The following PCDHGA3 variants were observed in gnomAD, a reference collection of about 807,000 sequenced individuals.
PCDHGA3 encodes protocadherin gamma subfamily A, 3.
A neutral mutation model predicts 58.5 loss-of-function variants in PCDHGA3; 40 were observed. The observed-to-expected ratio is 0.68, with a 90% CI of 0.53 to 0.89. The LOEUF (loss-of-function observed/expected upper bound fraction) is 0.89. Ranked by LOEUF, PCDHGA3 falls within the 40% of genes least tolerant of loss-of-function variation. The pLI, the probability that PCDHGA3 is intolerant of heterozygous loss-of-function variation, is 0.00. For missense variants in PCDHGA3, 1,223 were observed against 1,195.9 expected, an observed-to-expected ratio of 1.02 and a Z score of -0.33; for synonymous variants, 530 against 525.7, an observed-to-expected ratio of 1.01 and a Z score of -0.11.
intron 1 of PCDHGA3, among the ~76,000 whole-genome samples, chr5:141,483,207 A>C (rs1225621725): frequency 6.6e-6 from 1 of 152,224 alleles, no homozygotes; most frequent in African/African-American, 2.4e-5. Flanking sequence ...TATTCCATAT[A>C]GATGACAGTC....
chr5:141,390,064 C>T, intron 1 of PCDHGA3: 1 of 1,614,060 alleles, frequency 6.2e-7, no homozygotes. Flanking sequence ...TGCTTCCAGC[C>T]TGGTCTCTGT....
rs748950800 is a variant in PCDHGA3, at chr5:141,476,983, C to T, written c.2425-17824C>T. ...ACTCCTTCGGCAGCCACAACCGCGC[C>T]GGCGTGCGGCAACTATTCGCCTTAG... On this transcript the variant is annotated intron_variant, in intron 1 of 3. Transcript: ENST00000253812. The surrounding 1 kb of genome is among the most constrained non-coding windows in gnomAD (Gnocchi z 7.6). 12 of 1,614,096 alleles carry T rather than the reference C, an allele frequency of 7.4e-6. No individual in the cohort carries two copies. The highest frequency in any genetic ancestry group is 8.5e-7 in the Non-Finnish European group (1 of 1,180,046).
At chr5:141,415,810 T>TATATATC in intron 1 of PCDHGA3, 1 of 1,360,418 alleles carries the variant, frequency 7.4e-7, no homozygotes, top group Non-Finnish European at 9.5e-7. Flanking sequence ...AATCAAGGCC[T>TATATATC]ATATATCATA....
intron 1 of PCDHGA3, among the ~76,000 whole-genome samples, chr5:141,358,690 T>A (rs1760993799): frequency 6.6e-6 from 1 of 152,206 alleles, no homozygotes; most frequent in South Asian, 2.1e-4. Context: ...TATCATGACA[T>A]CACTATTGAG....
At chr5:141,369,542 A>T (rs553503598) in intron 1 of PCDHGA3, among the ~76,000 whole-genome samples, 1 of 152,332 alleles carries the variant, frequency 6.6e-6, no homozygotes, top group South Asian at 2.1e-4. Context: ...TTTAATTAAA[A>T]GTAGACACTT....
At chr5:141,403,913 G>A (rs567115998) in intron 1 of PCDHGA3, 5 of 1,613,844 alleles carry the variant, frequency 3.1e-6, no homozygotes, top group Non-Finnish European at 8.5e-7. Context: ...GGAAATACAA[G>A]CTGAAGATGG....
chr5:141,371,781 G>A (rs1443074185), intron 1 of PCDHGA3: 1 of 1,613,878 alleles, frequency 6.2e-7, no homozygotes, highest in Non-Finnish European at 8.5e-7. Context: ...GCATGTAGCT[G>A]AGAACAATCC....
chr5:141,423,382 C>G, intron 1 of PCDHGA3: 1 of 1,614,118 alleles, frequency 6.2e-7, no homozygotes, highest in Non-Finnish European at 8.5e-7. Flanking sequence ...CAGGCTGTGG[C>G]GCTGGCATAA....
rs752401867 is a variant in PCDHGA3, at chr5:141,511,224, G to A, written c.*51G>A. On this transcript the variant is annotated 3_prime_UTR_variant, in exon 4 of 4. Transcript: ENST00000253812. ...GGGCGGCCTCTCCCCAACCAGCCCA[G>A]CTTCTCCTTACCTGCACCCAGGCCT... 1.2e-6 allele frequency: 2 copies of A among 1,603,276 alleles called. No homozygotes were observed.
In PCDHGA3 at chr5:141,345,223, C is replaced by A; in HGVS notation, c.1190C>A (p.Ser397Ter). The A allele has an allele frequency of 6.2e-7, 1 of 1,613,928 alleles. No homozygotes were observed. Among genetic ancestry groups the A allele is most frequent in the Non-Finnish European group, 8.5e-7 (1 of 1,179,874 alleles). ...AATCTGCCATTTAAGTTAGAAAAAT[C>A]AATAGATCAATATTACCGCTTAGTG... ...LGNLPFKLEK[S>*]IDQYYRLVTA... The change falls in exon 1 of 4, where the codon TCA (serine) becomes TAA (stop). Residue 397 changes from serine to a stop codon, truncating the protein, a stop_gained. Transcript: ENST00000253812. LOFTEE classifies it high-confidence loss of function.
rs752155536 is a variant in PCDHGA3, at chr5:141,477,181, C to T, written c.2425-17626C>T. The T allele has an allele frequency of 2.5e-6, 4 of 1,614,182 alleles. No individual in the cohort carries two copies. In the Admixed American group the frequency reaches 6.7e-5, roughly 27 times the overall value. ...ACAACGCCCCGGAGATCACAGTCACCTCCGTGTACAGCCCAGTACCCGAGG... is the reference window on the plus strand; with the variant it reads ...ACAACGCCCCGGAGATCACAGTCACTTCCGTGTACAGCCCAGTACCCGAGG... On this transcript the variant is annotated intron_variant, in intron 1 of 3. Transcript: ENST00000253812. This position sits in a 1 kb window ranked among gnomAD's most constrained non-coding sequence, Gnocchi z 4.9.
intron 1 of PCDHGA3, chr5:141,384,001 CT>C (rs752837795): frequency 6.2e-7 from 1 of 1,613,828 alleles, no homozygotes; most frequent in South Asian, 1.1e-5. Context: ...AGTCATTGCT[CT>C]TTTCTACCTA....
chr5:141,436,080 T>C (rs755968267), intron 1 of PCDHGA3, among the ~76,000 whole-genome samples: 1 of 152,204 alleles, frequency 6.6e-6, no homozygotes, highest in Admixed American at 6.5e-5. Context: ...CAGTGTTCTA[T>C]AGGTAATATT....
chr5:141,460,983 G>GTGTATA (rs1554142949), intron 1 of PCDHGA3, among the ~76,000 whole-genome samples: 24 of 137,844 alleles, frequency 1.7e-4, no homozygotes, highest in African/African-American at 5.4e-4. Context: ...GTGTGTGTGT[G>GTGTATA]TATATATATA....
At position 141,490,745 on chromosome 5, in the gene PCDHGA3, C is replaced by A. The variant is rs769031787; in HGVS notation, c.2425-4062C>A. 1 of 1,614,238 alleles carries A rather than the reference C, an allele frequency of 6.2e-7. No homozygotes were observed. Among genetic ancestry groups the A allele is most frequent in the Non-Finnish European group, 8.5e-7 (1 of 1,180,042 alleles). ...GTAGGAAATCAGGTTCAGGGAGCCCCAGCCTCCTCCTTTGTGTATGTCAAC... is the reference window on the plus strand; with the variant it reads ...GTAGGAAATCAGGTTCAGGGAGCCCAAGCCTCCTCCTTTGTGTATGTCAAC... On this transcript the variant is annotated intron_variant, in intron 1 of 3. Transcript: ENST00000253812. The surrounding 1 kb of genome is among the most constrained non-coding windows in gnomAD (Gnocchi z 5.4).
chr5:141,490,445 A>G lies in PCDHGA3; in HGVS notation c.2425-4362A>G, dbSNP rs2099700298. 6.2e-7 allele frequency: 1 copy of G among 1,614,022 alleles called. No individual in the cohort carries two copies. The highest frequency in any genetic ancestry group is 8.5e-7 in the Non-Finnish European group (1 of 1,180,030). ...CCATTTCAGATTAAGCCTTCTGAGA[A>G]CCACTACTCGCTGCTAACCAGCCAG... On this transcript the variant is annotated intron_variant, in intron 1 of 3. Coordinates refer to ENST00000253812, the MANE Select transcript of PCDHGA3 (RefSeq NM_018916.4). The surrounding 1 kb of genome is among the most constrained non-coding windows in gnomAD (Gnocchi z 5.4).
At position 141,362,507 on chromosome 5, in the gene PCDHGA3, C is replaced by T. The variant is rs746688845; in HGVS notation, c.2424+16050C>T. ...GACAATGCCTCTTGGGAACAAAATA[C>T]AAATCATGGAGCCGCTGGGGTCCCT... On this transcript the variant is annotated intron_variant, in intron 1 of 3. Transcript: ENST00000253812. 8 of 1,613,994 alleles carry T rather than the reference C, an allele frequency of 5.0e-6. No homozygotes were observed. The highest frequency in any genetic ancestry group is 5.9e-6 in the Non-Finnish European group (7 of 1,179,876).
intron 1 of PCDHGA3, chr5:141,398,657 GT>G: frequency 6.2e-7 from 1 of 1,614,018 alleles, no homozygotes; most frequent in South Asian, 1.1e-5. Context: ...CTTAACCCAA[GT>G]TTCTCATTAA....
chr5:141,404,879 G>A (rs770577946), intron 1 of PCDHGA3: 4 of 1,613,906 alleles, frequency 2.5e-6, no homozygotes, highest in Middle Eastern at 1.6e-4. Flanking sequence ...ACAGAGCCTT[G>A]TGGTGGCTGT....
Sources: allele counts gnomAD v4.1 joint callset (sites outside exome capture counted in the v4.1 genomes callset), GRCh38; gene constraint gnomAD v4.1.1; non-coding constraint Gnocchi (gnomAD v3.1); transcripts MANE v1.5; gene names NCBI Gene and HGNC (gene_info 2026-07-23, HGNC 2026-07-21).